The following NPSR1 variants were observed in gnomAD, a reference collection of about 807,000 sequenced individuals.
NPSR1 encodes neuropeptide S receptor 1.
In NPSR1, 48 loss-of-function variants were observed where a neutral mutation model predicts 46.9. The observed-to-expected ratio is 1.02, with a 90% CI of 0.81 to 1.30. The LOEUF is 1.30. Among genes scored for constraint, NPSR1 ranks in the 50% most tolerant of loss-of-function variants. NPSR1 has a pLI of 0.00. For missense variants in NPSR1, 450 were observed against 449.5 expected (o/e 1.00, Z -0.01); for synonymous variants, 176 against 168.1 (o/e 1.05, Z -0.36).
At chr7:34,670,064 G>A (rs2128673881) in intron 1 of NPSR1, among the ~76,000 whole-genome samples, 1 of 152,254 alleles carries the variant, frequency 6.6e-6, no homozygotes, top group Admixed American at 6.5e-5. Flanking sequence ...AGCATATAAT[G>A]TTTGAAATAA....
At chr7:34,858,225 T>G (rs899889207) in intron 8 of NPSR1, among the ~76,000 whole-genome samples, 12 of 151,724 alleles carry the variant, frequency 7.9e-5, no homozygotes, top group Admixed American at 5.9e-4. Flanking sequence ...TGCACCATAA[T>G]AGATATGAAA....
At chr7:34,762,613 CAAGCTATT>C (rs1786230411) in intron 2 of NPSR1, among the ~76,000 whole-genome samples, 1 of 152,064 alleles carries the variant, frequency 6.6e-6, no homozygotes, top group South Asian at 2.1e-4. Flanking sequence ...CAAAAGCAAG[CAAGCTATT>C]ATTATATATA....
intron 2 of NPSR1, chr7:34,758,074 C>T (rs1401581538): frequency 2.6e-5 from 4 of 152,698 alleles, no homozygotes; most frequent in Middle Eastern, 6.8e-3. Flanking sequence ...AGTTACTCAC[C>T]AGGTCTATGC....
chr7:34,875,174 T>A (rs1172399461), intron 8 of NPSR1, among the ~76,000 whole-genome samples: 10 of 152,154 alleles, frequency 6.6e-5, no homozygotes, highest in Non-Finnish European at 4.4e-5. Flanking sequence ...TTCATGACAA[T>A]GAAATTCAGG....
chr7:34,756,074 C>G (rs35992792), intron 2 of NPSR1, among the ~76,000 whole-genome samples: 2,671 of 152,284 alleles, frequency 0.018, 35 homozygotes, highest in Non-Finnish European at 0.026. Flanking sequence ...TGATTACACT[C>G]AGCTGGGAGT....
chr7:34,774,727 C>A (rs1244646089), intron 2 of NPSR1, among the ~76,000 whole-genome samples: 1 of 152,198 alleles, frequency 6.6e-6, no homozygotes, highest in Admixed American at 6.5e-5. Flanking sequence ...TCCACCAGAT[C>A]ATATGCCTCA....
At position 34,826,383 on chromosome 7, in the gene NPSR1, C is replaced by T. The variant is rs188833600; in HGVS notation, c.479-1018C>T. Among the ~76,000 whole-genome samples the T allele has an allele frequency of 9.9e-5, 15 of 152,268 alleles. No individual in the cohort carries two copies. In the East Asian group the frequency reaches 2.5e-3, roughly 25 times the overall value. On this transcript the variant is annotated intron_variant, in intron 4 of 8. Transcript: ENST00000360581. ...AGTTTCCTCTAGATTTTTCTCACTTCTTGTAGCTCGACCACAGTCAACACA... is the reference window on the plus strand; with the variant it reads ...AGTTTCCTCTAGATTTTTCTCACTTTTTGTAGCTCGACCACAGTCAACACA...
intron 1 of NPSR1, among the ~76,000 whole-genome samples, chr7:34,673,195 A>G (rs1194854711): frequency 6.6e-6 from 1 of 152,104 alleles, no homozygotes; most frequent in Non-Finnish European, 1.5e-5. Context: ...CAACATCTTT[A>G]TCATAGAAGT....
intron 3 of NPSR1, among the ~76,000 whole-genome samples, chr7:34,787,680 G>T (rs1310618244): frequency 2.0e-5 from 3 of 152,006 alleles, no homozygotes; most frequent in Non-Finnish European, 4.4e-5. Flanking sequence ...CTATTTATTG[G>T]CTTAATTTCA....
intron 2 of NPSR1, among the ~76,000 whole-genome samples, chr7:34,749,984 G>GTT (rs985662480): frequency 2.0e-5 from 3 of 149,472 alleles, no homozygotes; most frequent in East Asian, 2.0e-4. Flanking sequence ...GAGGAAGAGA[G>GTT]TTTTTTTTTT....
intron 3 of NPSR1, among the ~76,000 whole-genome samples, chr7:34,788,312 G>T (rs1787560617): frequency 6.6e-6 from 1 of 151,340 alleles, no homozygotes; most frequent in African/African-American, 2.4e-5. Context: ...TTAGAGAAAA[G>T]CATCAACCAC....
chr7:34,730,791 G>C (rs979633442), intron 2 of NPSR1, among the ~76,000 whole-genome samples: 9 of 152,088 alleles, frequency 5.9e-5, no homozygotes, highest in African/African-American at 2.2e-4. Context: ...TCTGTTATCT[G>C]TTTTTCTCAT....
intron 4 of NPSR1, among the ~76,000 whole-genome samples, chr7:34,814,024 A>G (rs567192542): frequency 2.0e-5 from 3 of 152,164 alleles, no homozygotes; most frequent in Non-Finnish European, 4.4e-5. Context: ...TGCATTTCCA[A>G]CTGAGGTGCC....
intron 2 of NPSR1, among the ~76,000 whole-genome samples, chr7:34,724,649 C>G (rs775393763): frequency 1.3e-5 from 2 of 152,118 alleles, no homozygotes; most frequent in Non-Finnish European, 2.9e-5. Flanking sequence ...TGGTGAAGAG[C>G]GTGGAGTCAC....
intron 2 of NPSR1, among the ~76,000 whole-genome samples, chr7:34,742,405 T>C (rs1254221569): frequency 6.6e-6 from 1 of 152,224 alleles, no homozygotes; most frequent in Non-Finnish European, 1.5e-5. Flanking sequence ...CACTTGTAAG[T>C]GGGAACATGC....
intron 2 of NPSR1, among the ~76,000 whole-genome samples, chr7:34,723,022 C>T (rs956615498): frequency 5.3e-5 from 8 of 152,124 alleles, no homozygotes; most frequent in Non-Finnish European, 1.0e-4. Flanking sequence ...TCACCAAATT[C>T]GAATAAACAT....
chr7:34,809,300 A>G (rs1788865914), intron 3 of NPSR1, among the ~76,000 whole-genome samples: 1 of 151,560 alleles, frequency 6.6e-6, no homozygotes, highest in African/African-American at 2.4e-5. Context: ...TTTTCCCAAG[A>G]GATAATTTTT....
intron 8 of NPSR1, among the ~76,000 whole-genome samples, chr7:34,877,593 C>T (rs111669719): frequency 6.6e-6 from 1 of 152,154 alleles, no homozygotes; most frequent in African/African-American, 2.4e-5. Flanking sequence ...TCCACCCACT[C>T]GAGGAGTCCA....
intron 2 of NPSR1, chr7:34,704,038 A>G (rs1793981417): frequency 6.6e-6 from 1 of 152,180 alleles, no homozygotes. Flanking sequence ...TTTACTAATG[A>G]GCTTAGGAAT....
Sources: gnomAD v4.1 joint callset for allele counts (sites outside exome capture counted in the v4.1 genomes callset) on GRCh38, gnomAD v4.1.1 for gene constraint, MANE v1.5 for transcripts, NCBI Gene and HGNC (gene_info 2026-07-23, HGNC 2026-07-21) for gene names.